The following TNC variants were observed in gnomAD, a reference collection of about 807,000 sequenced individuals.
TNC encodes the protein tenascin.
In TNC, 109 loss-of-function variants were observed where a neutral mutation model predicts 202.4. That is an observed-to-expected ratio of 0.54 (90% CI 0.46 to 0.63). The LOEUF (loss-of-function observed/expected upper bound fraction) is 0.63. TNC is among the 30% of genes least tolerant of loss of function. The pLI, the probability that TNC is intolerant of heterozygous loss-of-function variation, is 0.00. For synonymous variants in TNC, 1,007 were observed against 1,089.7 expected, an observed-to-expected ratio of 0.92 and a Z score of 1.50; for missense variants, 2,756 against 2,833.3, an observed-to-expected ratio of 0.97 and a Z score of 0.62.
At chr9:115,035,876 C>A (rs1219460179) in intron 21 of TNC, 1 of 491,478 alleles carries the variant, frequency 2.0e-6, no homozygotes, top group South Asian at 4.9e-5. Context: ...AAATCTTTTC[C>A]TTCCCCGTGG....
chr9:115,068,927 T>C (rs757494512), intron 10 of TNC, among the ~76,000 whole-genome samples: 1 of 152,180 alleles, frequency 6.6e-6, no homozygotes, highest in Non-Finnish European at 1.5e-5. Flanking sequence ...TCCTGCAGCC[T>C]CCCACAAATC....
intron 22 of TNC, 56 bp downstream of exon 22, chr9:115,035,148 G>T: frequency 6.6e-7 from 1 of 1,520,038 alleles, no homozygotes. Context: ...TCCATACTTT[G>T]AAGATCATGC....
chr9:115,116,561 A>G (rs1056163474), intron 1 of TNC, among the ~76,000 whole-genome samples: 3 of 152,146 alleles, frequency 2.0e-5, no homozygotes, highest in Admixed American at 1.3e-4. Flanking sequence ...AAAATGGGGG[A>G]AAAAGTCTAC....
intron 24 of TNC, 58 bp from the exon 25 acceptor site, chr9:115,029,514 G>T (rs567833428): frequency 1.3e-6 from 2 of 1,505,102 alleles, no homozygotes; most frequent in African/African-American, 2.8e-5. Context: ...AGAGGGCATC[G>T]TTGTGAGAGG....
chr9:115,073,428 A>G lies in TNC; in HGVS notation c.3214+175T>C, dbSNP rs76579165. Among the ~76,000 whole-genome samples, 2,618 of 152,310 alleles carry G rather than the reference A, an allele frequency of 0.017. 81 individuals are homozygous for G. The highest frequency in any genetic ancestry group is 0.061 in the African/African-American group (2,515 of 41,562). On this transcript the variant is annotated intron_variant, in intron 10 of 27. Transcript: ENST00000350763. ...GGGGAAATTTGCTGTATCAGTTGAC[A>G]GGAGGTAGAAAAGACGAGTAAGCAG...
At chr9:115,057,045 G>A (rs1446042645) in intron 15 of TNC, 108 bp downstream of exon 15, 6 of 1,352,430 alleles carry the variant, frequency 4.4e-6, no homozygotes, top group South Asian at 2.9e-5. Context: ...CCATGGAAGA[G>A]TTAGTGCCCT....
At position 115,081,927 on chromosome 9, in the gene TNC, T is replaced by C. The variant is rs1239043013; in HGVS notation, c.2249A>G (p.Asn750Ser). The C allele has an allele frequency of 3.5e-5, 55 of 1,583,240 alleles. No homozygotes were observed. The East Asian group carries it at 1.2e-3, about 34-fold the overall frequency. Residue 750 changes from asparagine to serine, a missense_variant and splice_region_variant, in exon 6 of 28, where the codon AAT (asparagine) becomes AGT (serine). Physicochemically the swap from Asn to Ser is conservative, Grantham distance 46. Transcript: ENST00000350763. The part of the protein sequence containing the change: ...ETWEIIFRNM[N>S]KEDEGEITKS... ...GGTGATCTCTCCCTCATCTTCTTTA[T>C]TCTGAGAGATAGAGGCAGCTTGGTA...
chr9:115,021,883 T>C (rs1360486976), intron 27 of TNC, among the ~76,000 whole-genome samples: 1 of 152,094 alleles, frequency 6.6e-6, no homozygotes, highest in African/African-American at 2.4e-5. Context: ...CCTTGAAAGA[T>C]GAGATGAAGA....
intron 1 of TNC, among the ~76,000 whole-genome samples, chr9:115,106,034 C>A (rs554140486): frequency 6.6e-6 from 1 of 152,238 alleles, no homozygotes; most frequent in East Asian, 1.9e-4. Context: ...TTACTCCTTT[C>A]ATTTCTTCCT....
chr9:115,069,380 G>A (rs1000374008), intron 10 of TNC, among the ~76,000 whole-genome samples: 1 of 151,708 alleles, frequency 6.6e-6, no homozygotes, highest in Non-Finnish European at 1.5e-5. Flanking sequence ...GGGTTTATAA[G>A]AGTACAAAAG....
intron 1 of TNC, among the ~76,000 whole-genome samples, chr9:115,094,814 CCTCTGTGTGTGTGTGTGTGTGT>C (rs1302671199): frequency 2.1e-4 from 14 of 66,680 alleles, no homozygotes; most frequent in Non-Finnish European, 3.3e-4. Flanking sequence ...AGAACAAGTG[CCTCTGTGTGTGTGTGTGTGTGT>C]GTGTGTGTGT....
intron 1 of TNC, among the ~76,000 whole-genome samples, chr9:115,095,534 A>G (rs181923762): frequency 6.9e-3 from 9 of 1,306 alleles, no homozygotes; most frequent in African/African-American, 0.031. Context: ...GTATATATAT[A>G]TGTATATATA....
At chr9:115,050,147 G>C (rs962864026) in intron 15 of TNC, among the ~76,000 whole-genome samples, 1 of 152,168 alleles carries the variant, frequency 6.6e-6, no homozygotes, top group Non-Finnish European at 1.5e-5. Context: ...TGGCCTCTTT[G>C]CACCTCCACA....
chr9:115,048,382 AG>A lies in TNC; in HGVS notation c.4729del (p.Leu1577PhefsTer14). The A allele has an allele frequency of 1.2e-6, 2 of 1,614,106 alleles. No individual in the cohort carries two copies. The highest frequency in any genetic ancestry group is 1.7e-6 in the Non-Finnish European group (2 of 1,179,994). On this transcript the variant is annotated frameshift_variant, in exon 16 of 28. Transcript: ENST00000350763. LOFTEE classifies it high-confidence loss of function. ...GKLLDPQEFT[L>X]SGTQRKLELR... ...CTCCAGCTTCCTCTGGGTTCCTGAA[AG>A]TGTGAATTCCTGGGGGTCCAGCAGC...
chr9:115,024,982 T>G (rs1008157209), intron 26 of TNC, among the ~76,000 whole-genome samples: 1 of 152,188 alleles, frequency 6.6e-6, no homozygotes, highest in African/African-American at 2.4e-5. Flanking sequence ...AGATACCTTT[T>G]TAACTGATGA....
intron 1 of TNC, among the ~76,000 whole-genome samples, chr9:115,116,766 G>GC (rs1229891515): frequency 6.6e-6 from 1 of 152,168 alleles, no homozygotes; most frequent in African/African-American, 2.4e-5. Context: ...CCAGCCCCGG[G>GC]CTACTACCTT....
At chr9:115,077,212 G>T (rs1833932244) in intron 7 of TNC, among the ~76,000 whole-genome samples, 1 of 152,126 alleles carries the variant, frequency 6.6e-6, no homozygotes, top group African/African-American at 2.4e-5. Context: ...CCGCCACCAC[G>T]CCTGGCTAAT....
At chr9:115,059,608 G>T in intron 14 of TNC, 122 bp downstream of exon 14, 2 of 1,066,850 alleles carry the variant, frequency 1.9e-6, no homozygotes, top group Non-Finnish European at 2.7e-6. Context: ...AGCATGCACA[G>T]CCGGCCACTG....
intron 25 of TNC, 52 bp downstream of exon 25, chr9:115,029,308 C>G (rs543994558): frequency 1.3e-6 from 2 of 1,551,014 alleles, no homozygotes; most frequent in South Asian, 2.2e-5. Context: ...GGAAAAGTGA[C>G]AAGGAGGGCA....
Sources: allele counts gnomAD v4.1 joint callset (sites outside exome capture counted in the v4.1 genomes callset), GRCh38; gene constraint gnomAD v4.1.1; transcripts MANE v1.5; gene names NCBI Gene and HGNC (gene_info 2026-07-23, HGNC 2026-07-21).